APBB2: variants seen among roughly 807,000 people sequenced by gnomAD.
APBB2 encodes the protein Fe65-like 1.
Under a neutral mutation model 82.5 loss-of-function variants are expected in APBB2, and 38 were observed. That is an observed-to-expected ratio of 0.46 (90% CI 0.36 to 0.60). The LOEUF (loss-of-function observed/expected upper bound fraction) is 0.60. Among genes scored for constraint, APBB2 ranks in the 20% least tolerant of loss-of-function variants. APBB2 has a pLI of 0.00. For synonymous variants in APBB2, 341 were observed against 368.2 expected (o/e 0.93, Z 0.85); for missense variants, 772 against 972.3 (o/e 0.79, Z 2.74).
At chr4:41,082,184 C>T (rs745365295) in intron 3 of APBB2, among the ~76,000 whole-genome samples, 11 of 152,198 alleles carry the variant, frequency 7.2e-5, no homozygotes, top group East Asian at 1.9e-4. Flanking sequence ...ATTTTAAAAA[C>T]GTAACATGGT....
At chr4:40,870,706 T>C (rs1284397410) in intron 12 of APBB2, among the ~76,000 whole-genome samples, 1 of 151,584 alleles carries the variant, frequency 6.6e-6, no homozygotes, top group Non-Finnish European at 1.5e-5. Flanking sequence ...ATTATATACA[T>C]ATATGTGTGT....
chr4:41,048,798 GAGTGCCTGCGATT>G (rs1724435904), intron 4 of APBB2, among the ~76,000 whole-genome samples: 1 of 152,092 alleles, frequency 6.6e-6, no homozygotes, highest in African/African-American at 2.4e-5. Context: ...TCAGCCTGCA[GAGTGCCTGCGATT>G]GCAGGCGCGC....
chr4:41,039,016 C>T (rs953222774), intron 4 of APBB2, among the ~76,000 whole-genome samples: 8 of 152,268 alleles, frequency 5.3e-5, no homozygotes, highest in African/African-American at 1.9e-4. Context: ...AAATGCTGAA[C>T]AACTCTTTGG....
intron 6 of APBB2, among the ~76,000 whole-genome samples, chr4:41,006,241 C>G (rs1399759627): frequency 6.6e-6 from 1 of 152,162 alleles, no homozygotes; most frequent in Non-Finnish European, 1.5e-5. Flanking sequence ...TAAAATCTTA[C>G]TCGGAAAACA....
chr4:40,829,724 T>C (rs547802759), intron 13 of APBB2, among the ~76,000 whole-genome samples: 1 of 152,282 alleles, frequency 6.6e-6, no homozygotes, highest in Non-Finnish European at 1.5e-5. Flanking sequence ...GGGGCTGTTA[T>C]GCTGGTGGGA....
At chr4:40,929,368 C>G (rs1398173904) in intron 10 of APBB2, among the ~76,000 whole-genome samples, 1 of 152,090 alleles carries the variant, frequency 6.6e-6, no homozygotes, top group Non-Finnish European at 1.5e-5. Context: ...GATGCGATCT[C>G]AGCCCACTGC....
intron 4 of APBB2, among the ~76,000 whole-genome samples, chr4:41,055,082 T>G (rs1335477072): frequency 1.3e-5 from 2 of 152,228 alleles, no homozygotes; most frequent in Admixed American, 1.3e-4. Context: ...CTTGCTATGC[T>G]CTGGCCACCC....
chr4:40,830,006 C>A (rs924279813), intron 13 of APBB2, among the ~76,000 whole-genome samples: 14 of 152,222 alleles, frequency 9.2e-5, no homozygotes, highest in African/African-American at 3.4e-4. Flanking sequence ...GATGGCCCTG[C>A]CCCTGGAAAA....
At chr4:41,030,112 C>A (rs1458172748) in intron 5 of APBB2, among the ~76,000 whole-genome samples, 1 of 152,040 alleles carries the variant, frequency 6.6e-6, no homozygotes, top group African/African-American at 2.4e-5. Flanking sequence ...GCTGAGGTCG[C>A]ACCACCGCAC....
intron 4 of APBB2, among the ~76,000 whole-genome samples, chr4:41,056,468 C>T (rs561901331): frequency 2.0e-5 from 3 of 152,296 alleles, no homozygotes; most frequent in African/African-American, 7.2e-5. Context: ...AAATTGTGTT[C>T]TCCTGGGCTT....
chr4:41,181,506 C>A (rs934178206), intron 1 of APBB2, among the ~76,000 whole-genome samples: 1 of 152,170 alleles, frequency 6.6e-6, no homozygotes, highest in African/African-American at 2.4e-5. Context: ...GCAAGTGAAT[C>A]GCAGTAAACA....
chr4:40,850,956 T>A (rs566618244), intron 12 of APBB2, among the ~76,000 whole-genome samples: 72 of 151,314 alleles, frequency 4.8e-4, no homozygotes, highest in African/African-American at 1.3e-3. Context: ...AAAAAAAAAA[T>A]TTTTTTTTAA....
At chr4:41,118,419 C>A (rs1171045502) in intron 2 of APBB2, among the ~76,000 whole-genome samples, 1 of 152,110 alleles carries the variant, frequency 6.6e-6, no homozygotes, top group Non-Finnish European at 1.5e-5. Flanking sequence ...ATGATGATAC[C>A]TTTACCACCC....
At chr4:40,955,809 T>C (rs1791484739) in intron 6 of APBB2, among the ~76,000 whole-genome samples, 1 of 151,902 alleles carries the variant, frequency 6.6e-6, no homozygotes, top group Non-Finnish European at 1.5e-5. Context: ...GAAGTTTTGC[T>C]CTCGTTGCCC....
At chr4:40,971,889 T>C (rs1035939327) in intron 6 of APBB2, among the ~76,000 whole-genome samples, 18 of 152,208 alleles carry the variant, frequency 1.2e-4, no homozygotes, top group Non-Finnish European at 2.4e-4. Context: ...CTATAGTGCA[T>C]AATGAATCCT....
chr4:41,061,730 C>A (rs908674527), intron 4 of APBB2, among the ~76,000 whole-genome samples: 1 of 152,196 alleles, frequency 6.6e-6, no homozygotes, highest in Non-Finnish European at 1.5e-5. Flanking sequence ...TTCTTATTTT[C>A]GTGCTCAATG....
chr4:40,833,856 AC>A (rs762456418), intron 12 of APBB2, among the ~76,000 whole-genome samples: 1 of 152,250 alleles, frequency 6.6e-6, no homozygotes, highest in Non-Finnish European at 1.5e-5. Context: ...TCCCAAGGTT[AC>A]CGACACGGCG....
chr4:40,920,596 A>G (rs1781011032), intron 10 of APBB2, among the ~76,000 whole-genome samples: 1 of 152,134 alleles, frequency 6.6e-6, no homozygotes, highest in Non-Finnish European at 1.5e-5. Context: ...GCCGGGCTGG[A>G]CGCAGTGGCT....
At chr4:41,024,570 G>A (rs1176509547) in intron 5 of APBB2, among the ~76,000 whole-genome samples, 1 of 152,232 alleles carries the variant, frequency 6.6e-6, no homozygotes, top group Non-Finnish European at 1.5e-5. Context: ...GGACCCAGGT[G>A]AAGTCTCAAT....
Sources: allele counts gnomAD v4.1 joint callset (sites outside exome capture counted in the v4.1 genomes callset), GRCh38; gene constraint gnomAD v4.1.1; transcripts MANE v1.5; gene names NCBI Gene and HGNC (gene_info 2026-07-23, HGNC 2026-07-21).